Variants in GALNT13 observed in about 807,000 individuals in gnomAD.
GALNT13 encodes the protein UDP-GalNAc:polypeptide N-acetylgalactosaminyltransferase 13.
A neutral mutation model predicts 64.2 loss-of-function variants in GALNT13; 28 were observed. The ratio of observed to expected loss-of-function variants is 0.44; its 90% CI spans 0.32 to 0.60. The LOEUF (loss-of-function observed/expected upper bound fraction) is 0.60, where lower values mean the gene tolerates loss of function less well. Ranked by LOEUF, GALNT13 falls within the 20% of genes least tolerant of loss-of-function variation. GALNT13 has a pLI of 0.05. For missense variants in GALNT13, 577 were observed against 669.8 expected, an observed-to-expected ratio of 0.86 and a Z score of 1.53; for synonymous variants, 214 against 224.6, an observed-to-expected ratio of 0.95 and a Z score of 0.42.
At position 154,443,454 on chromosome 2, in the gene GALNT13, A is replaced by T. The variant is rs868134925; in HGVS notation, c.1530+4728A>T. On this transcript the variant is annotated intron_variant, in intron 12 of 12. Transcript: ENST00000392825. Reference sequence around the variant, plus strand: ...TTATCTTTGCTATTAAATTAAATATAGTACAAATTTATACTTATTTTGTAT... The same window carrying T: ...TTATCTTTGCTATTAAATTAAATATTGTACAAATTTATACTTATTTTGTAT... 4.6e-5 allele frequency among the ~76,000 whole-genome samples: 7 copies of T among 152,232 alleles called. No individual in the cohort carries two copies. The Middle Eastern group carries it at 0.017, about 370-fold the overall frequency.
At chr2:153,755,007 A>G in the GALNT13 span, among the ~76,000 whole-genome samples, 1 of 151,582 alleles carries the variant, frequency 6.6e-6, no homozygotes, top group Non-Finnish European at 1.5e-5. Flanking sequence ...AAATTGCTGC[A>G]CTCTCCCTCT....
chr2:153,478,049 G>A, the GALNT13 span: 2 of 595,902 alleles, frequency 3.4e-6, no homozygotes, highest in Middle Eastern at 4.4e-4. Context: ...GCTCTCCTCC[G>A]ACTGCCAGGC....
the GALNT13 span, among the ~76,000 whole-genome samples, chr2:153,129,741 G>T: frequency 2.0e-5 from 3 of 151,822 alleles, no homozygotes; most frequent in Non-Finnish European, 4.4e-5. Flanking sequence ...CTGCACTCCA[G>T]CCTGGTGACA....
chr2:154,045,376 G>A (rs1699223658), intron 3 of GALNT13, among the ~76,000 whole-genome samples: 1 of 152,174 alleles, frequency 6.6e-6, no homozygotes, highest in South Asian at 2.1e-4. Context: ...ACATGGAAAT[G>A]TATGCTCAAA....
the GALNT13 span, among the ~76,000 whole-genome samples, chr2:153,620,836 C>T: frequency 6.6e-6 from 1 of 151,888 alleles, no homozygotes; most frequent in African/African-American, 2.4e-5. Flanking sequence ...TCTTCACTGT[C>T]TGGGCTTTGA....
intron 3 of GALNT13, among the ~76,000 whole-genome samples, chr2:154,003,584 G>A (rs186847546): frequency 6.6e-6 from 1 of 152,138 alleles, no homozygotes; most frequent in Non-Finnish European, 1.5e-5. Context: ...TTTCTTTTAA[G>A]TATTGTTGAA....
the GALNT13 span, among the ~76,000 whole-genome samples, chr2:153,274,821 C>A: frequency 6.6e-6 from 1 of 152,300 alleles, no homozygotes; most frequent in East Asian, 1.9e-4. Flanking sequence ...CATCTTGTTG[C>A]CTTCAGGGCA....
At chr2:153,426,283 G>A in the GALNT13 span, among the ~76,000 whole-genome samples, 2 of 151,716 alleles carry the variant, frequency 1.3e-5, no homozygotes, top group African/African-American at 2.4e-5. Context: ...AACACATAAA[G>A]TAGAGATATC....
chr2:153,761,735 GCA>G, the GALNT13 span: 1 of 153,596 alleles, frequency 6.5e-6, no homozygotes, highest in African/African-American at 2.4e-5. Context: ...ACTTCATTTA[GCA>G]CACATTTGAT....
At chr2:154,313,359 A>G (rs1312975262) in intron 9 of GALNT13, among the ~76,000 whole-genome samples, 2 of 148,166 alleles carry the variant, frequency 1.3e-5, no homozygotes, top group African/African-American at 4.9e-5. Flanking sequence ...TTATACATAT[A>G]TATACACTAG....
At chr2:153,860,531 T>C in the GALNT13 span, among the ~76,000 whole-genome samples, 2 of 152,068 alleles carry the variant, frequency 1.3e-5, no homozygotes, top group African/African-American at 4.8e-5. Flanking sequence ...TATCCTCTTT[T>C]ACTATTTAGG....
the GALNT13 span, among the ~76,000 whole-genome samples, chr2:153,278,735 A>T: frequency 8.5e-5 from 13 of 152,202 alleles, 1 homozygote; most frequent in South Asian, 2.3e-3. Flanking sequence ...ACAACAAAGT[A>T]TCATGCTTTG....
chr2:153,077,333 T>C, the GALNT13 span, among the ~76,000 whole-genome samples: 1 of 152,130 alleles, frequency 6.6e-6, no homozygotes, highest in African/African-American at 2.4e-5. Flanking sequence ...TATATATCTG[T>C]AAAAGAAAAA....
chr2:153,582,225 A>C, the GALNT13 span, among the ~76,000 whole-genome samples: 1 of 152,190 alleles, frequency 6.6e-6, no homozygotes, highest in Non-Finnish European at 1.5e-5. Flanking sequence ...AGTATTTGTA[A>C]TTCTTAAGCC....
chr2:153,916,467 G>A (rs1306368246), intron 2 of GALNT13, among the ~76,000 whole-genome samples: 1 of 151,958 alleles, frequency 6.6e-6, no homozygotes, highest in African/African-American at 2.4e-5. Flanking sequence ...TAGGTAATCC[G>A]ATTTTTGAGG....
the GALNT13 span, among the ~76,000 whole-genome samples, chr2:153,258,736 T>C: frequency 6.6e-6 from 1 of 152,220 alleles, no homozygotes; most frequent in African/African-American, 2.4e-5. Context: ...TTCAGGAGCA[T>C]ATTGTTTAAT....
chr2:153,898,856 CA>C (rs35168611), intron 1 of GALNT13, among the ~76,000 whole-genome samples: 41,347 of 99,224 alleles, frequency 0.42, 5,472 homozygotes, highest in Middle Eastern at 0.47. Flanking sequence ...AGTTGCACAG[CA>C]AAAAAAAAAA....
the GALNT13 span, among the ~76,000 whole-genome samples, chr2:153,278,528 C>T: frequency 2.6e-5 from 4 of 152,104 alleles, no homozygotes; most frequent in African/African-American, 9.6e-5. Flanking sequence ...AGTGAATTTT[C>T]GTATATAGTG....
At chr2:153,918,723 C>T (rs986112313) in intron 2 of GALNT13, among the ~76,000 whole-genome samples, 1 of 152,106 alleles carries the variant, frequency 6.6e-6, no homozygotes, top group African/African-American at 2.4e-5. Flanking sequence ...GCATGTTCAA[C>T]CTTGTCCCTT....
Sources: allele counts gnomAD v4.1 joint callset (sites outside exome capture counted in the v4.1 genomes callset), GRCh38; gene constraint gnomAD v4.1.1; transcripts MANE v1.5; gene names NCBI Gene and HGNC (gene_info 2026-07-23, HGNC 2026-07-21).